The following NRXN3 variants were observed in gnomAD, a reference collection of about 807,000 sequenced individuals.
NRXN3 encodes neurexin III.
In NRXN3, 32 loss-of-function variants were observed where a neutral mutation model predicts 137.6. The observed-to-expected ratio is 0.23, with a 90% CI of 0.18 to 0.31. NRXN3 has a LOEUF of 0.31. Among genes scored for constraint, NRXN3 ranks in the 10% least tolerant of loss-of-function variants. NRXN3 has a pLI of 1.00. For missense variants in NRXN3, 1,574 were observed against 2,062.5 expected (o/e 0.76, Z 4.59); for synonymous variants, 798 against 784.5 (o/e 1.02, Z -0.29).
intron 15 of NRXN3, among the ~76,000 whole-genome samples, chr14:79,133,664 G>A (rs181856957): frequency 6.7e-4 from 102 of 152,210 alleles, no homozygotes; most frequent in Non-Finnish European, 1.3e-3. Flanking sequence ...GGTGGCTCAT[G>A]CCTGTAATCC....
chr14:78,950,329 A>G (rs574529469), intron 10 of NRXN3, among the ~76,000 whole-genome samples: 3 of 152,266 alleles, frequency 2.0e-5, no homozygotes, highest in Admixed American at 2.0e-4. Context: ...AGGTTTGGCA[A>G]TACATTGGGG....
intron 2 of NRXN3, among the ~76,000 whole-genome samples, chr14:78,267,841 T>C (rs2072035639): frequency 6.6e-6 from 1 of 152,188 alleles, no homozygotes. Context: ...ACATCGTCTC[T>C]TGGTTCATAA....
chr14:78,782,435 ACT>A (rs1264169447), intron 8 of NRXN3, among the ~76,000 whole-genome samples: 1 of 152,026 alleles, frequency 6.6e-6, no homozygotes, highest in Non-Finnish European at 1.5e-5. Context: ...GTCAGTGAAA[ACT>A]CTGAAAAACA....
At chr14:79,557,548 G>T (rs74843038) in intron 16 of NRXN3, among the ~76,000 whole-genome samples, 8,619 of 152,154 alleles carry the variant, frequency 0.057, 256 homozygotes, top group East Asian at 0.08. Context: ...TCGTTTCCCA[G>T]TGCATATAAA....
chr14:78,803,297 A>G (rs112981868), intron 8 of NRXN3, among the ~76,000 whole-genome samples: 44 of 152,344 alleles, frequency 2.9e-4, no homozygotes, highest in African/African-American at 1.0e-3. Flanking sequence ...AAACAATACT[A>G]TTTGTGAGGG....
At chr14:78,419,065 AC>A (rs2093306148) in intron 4 of NRXN3, among the ~76,000 whole-genome samples, 1 of 152,130 alleles carries the variant, frequency 6.6e-6, no homozygotes, top group East Asian at 1.9e-4. Context: ...AGCCTCAGTT[AC>A]CCCTCAGCAC....
chr14:79,811,581 C>CTTTTTTTTTTTTTTTTTTTTTTTTTTTT (rs370942970), intron 20 of NRXN3, among the ~76,000 whole-genome samples: 1 of 116,612 alleles, frequency 8.6e-6, no homozygotes, highest in African/African-American at 3.2e-5. Context: ...TTTCTTTTTT[C>CTTTTTTTTTTTTTTTTTTTTTTTTTTTT]TTTTTTTTTT....
At chr14:78,368,360 G>A (rs2086297834) in intron 4 of NRXN3, among the ~76,000 whole-genome samples, 1 of 152,146 alleles carries the variant, frequency 6.6e-6, no homozygotes, top group Admixed American at 6.5e-5. Flanking sequence ...GTTAAACGTG[G>A]GTGCCCTGGT....
At chr14:79,322,144 C>T (rs572563146) in intron 15 of NRXN3, among the ~76,000 whole-genome samples, 2 of 152,150 alleles carry the variant, frequency 1.3e-5, no homozygotes, top group African/African-American at 4.8e-5. Context: ...CGTGACATCA[C>T]CTTTCTCACA....
intron 10 of NRXN3, among the ~76,000 whole-genome samples, chr14:78,870,027 G>A (rs1415114220): frequency 6.6e-6 from 1 of 152,194 alleles, no homozygotes; most frequent in Non-Finnish European, 1.5e-5. Context: ...CAGAATTCTT[G>A]CTGAAGACAA....
rs531437052 is a variant in NRXN3, at chr14:78,732,600, C to G, written c.2044+17461C>G. Reference sequence around the variant, plus strand: ...GTATCTTCCCATTGATACTTCAACTCATCATATCTCTAGGAGTTTTATTTC... The same window carrying G: ...GTATCTTCCCATTGATACTTCAACTGATCATATCTCTAGGAGTTTTATTTC... On this transcript the variant is annotated intron_variant, in intron 8 of 20. Coordinates refer to ENST00000335750, the MANE Select transcript of NRXN3 (RefSeq NM_001330195.2). Among the ~76,000 whole-genome samples the G allele has an allele frequency of 2.2e-4, 33 of 152,274 alleles. No homozygotes were observed. The South Asian group carries it at 6.6e-3, about 31-fold the overall frequency.
At chr14:78,932,180 A>G (rs1044740972) in intron 10 of NRXN3, among the ~76,000 whole-genome samples, 2 of 152,098 alleles carry the variant, frequency 1.3e-5, no homozygotes, top group African/African-American at 4.8e-5. Flanking sequence ...TAAAAAGCCA[A>G]GGAAATCATT....
chr14:78,973,005 C>T (rs556699012), intron 14 of NRXN3: 1 of 152,146 alleles, frequency 6.6e-6, no homozygotes, highest in Non-Finnish European at 1.5e-5. Context: ...AGCTGTCACA[C>T]CTCTTGGACA....
chr14:79,719,211 C>T (rs991195065), intron 19 of NRXN3, among the ~76,000 whole-genome samples: 1 of 151,612 alleles, frequency 6.6e-6, no homozygotes, highest in Non-Finnish European at 1.5e-5. Flanking sequence ...TCTCATTTTC[C>T]ACTGGTGCCA....
intron 4 of NRXN3, among the ~76,000 whole-genome samples, chr14:78,537,882 CTTGT>C (rs1248199699): frequency 6.6e-6 from 1 of 152,186 alleles, no homozygotes; most frequent in African/African-American, 2.4e-5. Flanking sequence ...TTCCCCATTT[CTTGT>C]TTTTGTCAGG....
chr14:79,489,134 A>G (rs1055492766), intron 16 of NRXN3, among the ~76,000 whole-genome samples: 1 of 152,214 alleles, frequency 6.6e-6, no homozygotes, highest in Admixed American at 6.5e-5. Context: ...CATCAAATAT[A>G]TAGGATTGTT....
At chr14:79,302,528 C>T (rs2085321903) in intron 15 of NRXN3, among the ~76,000 whole-genome samples, 1 of 151,822 alleles carries the variant, frequency 6.6e-6, no homozygotes, top group Non-Finnish European at 1.5e-5. Flanking sequence ...AGTGAGAGCT[C>T]AATATTTCAA....
chr14:78,787,788 T>A (rs962372717), intron 8 of NRXN3, among the ~76,000 whole-genome samples: 1 of 152,190 alleles, frequency 6.6e-6, no homozygotes, highest in Non-Finnish European at 1.5e-5. Context: ...ATGACTGTTA[T>A]GAGCCATTCT....
intron 19 of NRXN3, among the ~76,000 whole-genome samples, chr14:79,760,271 C>T (rs1368684104): frequency 6.6e-6 from 1 of 151,534 alleles, no homozygotes; most frequent in East Asian, 1.9e-4. Context: ...AGTCTGAGAA[C>T]ATTTATCTTT....
Sources: gnomAD v4.1 joint callset for allele counts (sites outside exome capture counted in the v4.1 genomes callset) on GRCh38, gnomAD v4.1.1 for gene constraint, MANE v1.5 for transcripts, NCBI Gene and HGNC (gene_info 2026-07-23, HGNC 2026-07-21) for gene names.